Variants in KLF5 observed in about 807,000 individuals in gnomAD.
KLF5 encodes Krueppel-like factor 5.
In KLF5, 9 loss-of-function variants were observed where a neutral mutation model predicts 36.9. The observed-to-expected ratio is 0.24, with a 90% CI of 0.15 to 0.43. The LOEUF (loss-of-function observed/expected upper bound fraction) is 0.43, where lower values mean the gene tolerates loss of function less well. Ranked by LOEUF, KLF5 falls within the 20% of genes least tolerant of loss-of-function variation. The pLI is 1.00. For missense variants in KLF5, 524 were observed against 599.5 expected (o/e 0.87, Z 1.31); for synonymous variants, 246 against 241.7 (o/e 1.02, Z -0.17).
rs1457138037 is a variant in KLF5 at position 73,062,587 on chromosome 13, G to A, written c.988G>A (p.Ala330Thr). Reference protein sequence around the residue: ...QNLTPPPSYAATIASKLAIHN... With the variant: ...QNLTPPPSYATTIASKLAIHN... ...TTTAACCCCACCTCCATCCTATGCTGCTACAATTGCTTCTAAACTGGCAAT... is the reference window on the plus strand; with the variant it reads ...TTTAACCCCACCTCCATCCTATGCTACTACAATTGCTTCTAAACTGGCAAT... The change falls in exon 2 of 4, where the codon GCT (alanine) becomes ACT (threonine). Residue 330 changes from alanine to threonine, a missense_variant. Ala to Thr is a moderately conservative substitution (Grantham distance 58, BLOSUM62 0). This residue lies in a region of KLF5 where 454 missense variants were observed against 458.1 expected (regional missense o/e 0.99). Coordinates refer to ENST00000377687, the MANE Select transcript of KLF5 (RefSeq NM_001730.5). The A allele has an allele frequency of 6.2e-7, 1 of 1,614,234 alleles. No homozygotes were observed. The highest frequency in any genetic ancestry group is 1.7e-5 in the Admixed American group (1 of 60,028).
At chr13:73,069,401 AGTGGTTTTTT>A (rs1566565755) in intron 3 of KLF5, among the ~76,000 whole-genome samples, 1 of 152,202 alleles carries the variant, frequency 6.6e-6, no homozygotes, top group Non-Finnish European at 1.5e-5. Context: ...TTTAGGACTC[AGTGGTTTTTT>A]GAGTCTCTAT....
intron 3 of KLF5, among the ~76,000 whole-genome samples, chr13:73,067,564 G>A (rs7998378): frequency 0.062 from 9,382 of 152,200 alleles, 383 homozygotes; most frequent in Middle Eastern, 0.13. Context: ...ATCAGGGTAC[G>A]GTAACGTTTC....
At chr13:73,056,483 A>G (rs533972125), upstream of KLF5, among the ~76,000 whole-genome samples, 8 of 152,380 alleles carry the variant, frequency 5.3e-5, no homozygotes, top group African/African-American at 1.9e-4. Flanking sequence ...CTTCAAGCCA[A>G]TGTAGAACCT....
In KLF5 at chr13:73,062,579, C is replaced by G; in HGVS notation, c.980C>G (p.Ser327Cys). The G allele has an allele frequency of 6.2e-7, 1 of 1,614,262 alleles. No individual in the cohort carries two copies. Among genetic ancestry groups the G allele is most frequent in the Non-Finnish European group, 8.5e-7 (1 of 1,180,042 alleles). The change falls in exon 2 of 4, where the codon TCC becomes TGC. Residue 327 changes from serine to cysteine, a missense_variant. Around this residue, in one of 4 missense-constraint regions of KLF5, gnomAD observed 454 missense variants for 458.1 expected, o/e 0.99. Coordinates refer to ENST00000377687, the MANE Select transcript of KLF5 (RefSeq NM_001730.5). ...EMLQNLTPPP[S>C]YAATIASKLA... Reference sequence around the variant, plus strand: ...CTCCAGAATTTAACCCCACCTCCATCCTATGCTGCTACAATTGCTTCTAAA... The same window carrying G: ...CTCCAGAATTTAACCCCACCTCCATGCTATGCTGCTACAATTGCTTCTAAA...
intron 3 of KLF5, among the ~76,000 whole-genome samples, chr13:73,071,096 G>T (rs1313583643): frequency 2.0e-5 from 3 of 152,204 alleles, no homozygotes; most frequent in African/African-American, 7.2e-5. Flanking sequence ...AGCTAGTTAA[G>T]GAGGCAAAAT....
chr13:73,073,766 A>C (rs1693548567), intron 3 of KLF5, among the ~76,000 whole-genome samples: 1 of 152,162 alleles, frequency 6.6e-6, no homozygotes, highest in African/African-American at 2.4e-5. Flanking sequence ...ACTGTGCAAA[A>C]ATTTTTTTTG....
At chr13:73,057,816 C>T (rs2044593947), upstream of KLF5, among the ~76,000 whole-genome samples, 1 of 152,054 alleles carries the variant, frequency 6.6e-6, no homozygotes, top group Non-Finnish European at 1.5e-5. Context: ...TTTATTGTTC[C>T]GTCCTCCCAA....
intron 3 of KLF5, among the ~76,000 whole-genome samples, chr13:73,073,688 C>T (rs1566566845): frequency 2.0e-5 from 3 of 152,056 alleles, no homozygotes. Context: ...CATTAAATGA[C>T]AGTAAAGTAT....
At chr13:73,055,390 TAAATAG>T (rs2044577352), upstream of KLF5, among the ~76,000 whole-genome samples, 1 of 152,188 alleles carries the variant, frequency 6.6e-6, no homozygotes, top group African/African-American at 2.4e-5. Flanking sequence ...TTAATTAATA[TAAATAG>T]AAGTATTTAG....
At chr13:73,072,420 GCTCT>G (rs2044728724) in intron 3 of KLF5, among the ~76,000 whole-genome samples, 1 of 152,166 alleles carries the variant, frequency 6.6e-6, no homozygotes, top group Admixed American at 6.5e-5. Context: ...GCCAGGTTGT[GCTCT>G]CTGTTTCAGA....
chr13:73,055,399 G>T (rs1220506872), upstream of KLF5, among the ~76,000 whole-genome samples: 1 of 152,062 alleles, frequency 6.6e-6, no homozygotes, highest in African/African-American at 2.4e-5. Context: ...ATAAATAGAA[G>T]TATTTAGTCT....
intron 3 of KLF5, among the ~76,000 whole-genome samples, chr13:73,065,110 T>C (rs2044670072): frequency 6.6e-6 from 1 of 152,256 alleles, no homozygotes; most frequent in Non-Finnish European, 1.5e-5. Flanking sequence ...AATGTATTAT[T>C]CCATCATTGC....
intron 1 of KLF5, among the ~76,000 whole-genome samples, 169 bp from the exon 2 acceptor site, chr13:73,061,691 GT>G (rs1471500253): frequency 2.0e-5 from 3 of 152,276 alleles, no homozygotes; most frequent in Non-Finnish European, 2.9e-5. Context: ...TGGTCAACCA[GT>G]TATTACACAA....
At chr13:73,063,227 CTG>C (rs2044653347) in intron 2 of KLF5, among the ~76,000 whole-genome samples, 1 of 152,134 alleles carries the variant, frequency 6.6e-6, no homozygotes, top group South Asian at 2.1e-4. Context: ...AGGTACAAGA[CTG>C]TCTACAAGAC....
intron 3 of KLF5, among the ~76,000 whole-genome samples, chr13:73,069,851 A>T (rs1220134731): frequency 6.6e-6 from 1 of 152,220 alleles, no homozygotes; most frequent in African/African-American, 2.4e-5. Context: ...CCTTTTGTTC[A>T]TAGACTAAAT....
chr13:73,061,885 C>G lies in KLF5; in HGVS notation c.286C>G (p.Leu96Val). Residue 96 changes from leucine (L) to valine (V), a missense_variant, in exon 2 of 4, where the codon CTG (leucine) becomes GTG (valine). Coordinates refer to ENST00000377687, the MANE Select transcript of KLF5 (RefSeq NM_001730.5). ...VQTRCEMEKY[L>V]TPQLPPVPII... The stretch of plus-strand genomic sequence containing the variant: ...GACAAGATGTGAAATGGAGAAGTAT[C>G]TGACACCTCAGCTTCCTCCAGTTCC... 6.2e-7 allele frequency: 1 copy of G among 1,613,002 alleles called. No individual in the cohort carries two copies. Among genetic ancestry groups the G allele is most frequent in the Non-Finnish European group, 8.5e-7 (1 of 1,179,024 alleles).
upstream of KLF5, among the ~76,000 whole-genome samples, chr13:73,058,443 G>A (rs540062969): frequency 4.6e-5 from 7 of 152,310 alleles, no homozygotes; most frequent in Admixed American, 3.9e-4. Context: ...GATACACAGG[G>A]ACAAGAGCTG....
rs1219768805 is a variant in KLF5 at position 73,059,094 on chromosome 13, G to C, written c.-234G>C. 2.7e-6 allele frequency: 1 copy of C among 371,144 alleles called. No homozygotes were observed. Among genetic ancestry groups the C allele is most frequent in the Non-Finnish European group, 4.8e-6 (1 of 209,506 alleles). 23.0% of individuals were successfully genotyped at this position (371,144 alleles called of 1,614,324 possible). A position where few individuals can be genotyped will look rare whatever the true frequency, so the allele number is the denominator to read the frequency against. ...TCCGGAGAGCCTGAGAGCACGGTGGGGCGGGGCGGGAGAAAGTGGCCGCCC... is the reference window on the plus strand; with the variant it reads ...TCCGGAGAGCCTGAGAGCACGGTGGCGCGGGGCGGGAGAAAGTGGCCGCCC... On this transcript the variant is annotated 5_prime_UTR_variant, in exon 1 of 4. Transcript: ENST00000377687.
chr13:73,063,990 T>TTTC, intron 3 of KLF5, 107 bp downstream of exon 3: 1 of 618,212 alleles, frequency 1.6e-6, no homozygotes, highest in Non-Finnish European at 2.8e-6. Flanking sequence ...CAACTTTGTT[T>TTTC]TTTTTTTTTT....
Sources: allele counts gnomAD v4.1 joint callset (sites outside exome capture counted in the v4.1 genomes callset), GRCh38; gene constraint gnomAD v4.1.1; regional missense constraint gnomAD v4.1.1; transcripts MANE v1.5; gene names NCBI Gene and HGNC (gene_info 2026-07-23, HGNC 2026-07-21).